RNF150: variants seen among roughly 807,000 people sequenced by gnomAD.
RNF150 encodes the protein ring finger protein 150.
A neutral mutation model predicts 39.3 loss-of-function variants in RNF150; 24 were observed. That is an observed-to-expected ratio of 0.61 (90% CI 0.44 to 0.86). The LOEUF is 0.86. Among genes scored for constraint, RNF150 ranks in the 40% least tolerant of loss-of-function variants. The pLI, the probability that RNF150 is intolerant of heterozygous loss-of-function variation, is 0.00. For missense variants in RNF150, 502 were observed against 587.8 expected, an observed-to-expected ratio of 0.85 and a Z score of 1.51; for synonymous variants, 255 against 227.3, an observed-to-expected ratio of 1.12 and a Z score of -1.10.
chr4:140,962,662 T>C (rs1733087977), intron 2 of RNF150, among the ~76,000 whole-genome samples: 1 of 151,910 alleles, frequency 6.6e-6, no homozygotes, highest in African/African-American at 2.4e-5. Context: ...CATCAAAGAA[T>C]CTATATGATA....
intron 1 of RNF150, among the ~76,000 whole-genome samples, chr4:141,161,212 A>T (rs1727506774): frequency 6.6e-6 from 1 of 152,210 alleles, no homozygotes; most frequent in Admixed American, 6.5e-5. Context: ...AGTAAAGATC[A>T]CTTTTGCTAT....
chr4:141,087,441 C>G (rs1738409127), intron 1 of RNF150, among the ~76,000 whole-genome samples: 1 of 152,096 alleles, frequency 6.6e-6, no homozygotes, highest in Non-Finnish European at 1.5e-5. Flanking sequence ...TCTCCTTTAT[C>G]CTACTCTATG....
intron 1 of RNF150, among the ~76,000 whole-genome samples, chr4:141,161,499 G>A (rs1047442559): frequency 6.6e-6 from 1 of 152,184 alleles, no homozygotes; most frequent in African/African-American, 2.4e-5. Flanking sequence ...TATTATCTGG[G>A]GAGAAATTCA....
intron 1 of RNF150, among the ~76,000 whole-genome samples, chr4:141,194,328 G>A (rs1728162162): frequency 1.3e-5 from 2 of 152,130 alleles, no homozygotes; most frequent in Non-Finnish European, 2.9e-5. Context: ...AAGGACAAAG[G>A]ATTATAAACT....
chr4:141,210,028 C>T (rs927610677), intron 1 of RNF150, among the ~76,000 whole-genome samples: 14 of 145,794 alleles, frequency 9.6e-5, no homozygotes, highest in African/African-American at 2.0e-4. Flanking sequence ...GAAAGTAGAA[C>T]GAAAATGGTC....
intron 1 of RNF150, among the ~76,000 whole-genome samples, chr4:141,051,973 G>T (rs576826616): frequency 6.6e-6 from 1 of 152,338 alleles, no homozygotes; most frequent in East Asian, 1.9e-4. Flanking sequence ...TGGCTGGGGA[G>T]TCCTCACAAT....
chr4:141,076,102 C>T (rs1345985671), intron 1 of RNF150, among the ~76,000 whole-genome samples: 1 of 151,922 alleles, frequency 6.6e-6, no homozygotes, highest in Non-Finnish European at 1.5e-5. Context: ...ACACTGCAAA[C>T]AGGAACAACT....
chr4:140,994,921 A>C (rs1734315313), intron 1 of RNF150, among the ~76,000 whole-genome samples: 1 of 152,218 alleles, frequency 6.6e-6, no homozygotes, highest in Admixed American at 6.5e-5. Flanking sequence ...TACAATGCTT[A>C]ATAATAATCA....
chr4:141,005,315 A>G (rs777500726), intron 1 of RNF150, among the ~76,000 whole-genome samples: 1 of 152,200 alleles, frequency 6.6e-6, no homozygotes, highest in South Asian at 2.1e-4. Flanking sequence ...TGAAGCTATC[A>G]CTTGATGCAT....
chr4:141,139,526 G>A (rs1338461593), intron 1 of RNF150, among the ~76,000 whole-genome samples: 4 of 152,208 alleles, frequency 2.6e-5, no homozygotes, highest in Non-Finnish European at 5.9e-5. Context: ...TTGCAGAGCT[G>A]TTCAAGAAAG....
Position 140,974,421 on chromosome 4 carries a change from A to G in RNF150, c.485-6548T>C, listed in dbSNP as rs550617652. Reference sequence around the variant, plus strand: ...TAATTATTCGCCAATTGATGGACATACGGATTATTGCCAGTTTTTGGATAT... The same window carrying G: ...TAATTATTCGCCAATTGATGGACATGCGGATTATTGCCAGTTTTTGGATAT... On this transcript the variant is annotated intron_variant, in intron 1 of 6. Transcript: ENST00000515673. Among the ~76,000 whole-genome samples the G allele has an allele frequency of 6.4e-4, 98 of 152,322 alleles. No homozygotes were observed. The South Asian group carries it at 7.9e-3, about 12-fold the overall frequency.
chr4:140,956,848 A>C (rs371505353), intron 2 of RNF150, among the ~76,000 whole-genome samples: 572 of 152,030 alleles, frequency 3.8e-3, no homozygotes, highest in Admixed American at 6.8e-3. Context: ...AACTGGCTAG[A>C]CATATGTAGA....
At chr4:140,957,108 G>A (rs1207143076) in intron 2 of RNF150, among the ~76,000 whole-genome samples, 4 of 149,638 alleles carry the variant, frequency 2.7e-5, no homozygotes, top group Admixed American at 2.0e-4. Flanking sequence ...TACCATCAGA[G>A]TGAACAGGCA....
chr4:140,989,534 A>C (rs1050194478), intron 1 of RNF150, among the ~76,000 whole-genome samples: 1 of 152,174 alleles, frequency 6.6e-6, no homozygotes, highest in African/African-American at 2.4e-5. Context: ...AGGTCTTTAA[A>C]ACATTTAGAA....
chr4:141,150,847 A>G (rs1399705459), intron 1 of RNF150, among the ~76,000 whole-genome samples: 1 of 152,208 alleles, frequency 6.6e-6, no homozygotes, highest in African/African-American at 2.4e-5. Flanking sequence ...TACACATTCA[A>G]TGAACAATTC....
chr4:141,190,188 A>G (rs1039848652), intron 1 of RNF150, among the ~76,000 whole-genome samples: 2 of 152,072 alleles, frequency 1.3e-5, no homozygotes, highest in Non-Finnish European at 2.9e-5. Flanking sequence ...TAGATGAACC[A>G]GGTACCTCAG....
intron 1 of RNF150, among the ~76,000 whole-genome samples, chr4:141,035,747 T>C (rs1236786892): frequency 6.6e-6 from 1 of 152,122 alleles, no homozygotes; most frequent in African/African-American, 2.4e-5. Flanking sequence ...AAAAAGAGAA[T>C]AAATATTAAA....
intron 6 of RNF150, among the ~76,000 whole-genome samples, chr4:140,876,770 C>T (rs1729171669): frequency 6.6e-6 from 1 of 152,214 alleles, no homozygotes; most frequent in Admixed American, 6.5e-5. Context: ...TACTAGAGTT[C>T]TATTTGGCTG....
At chr4:140,987,514 GA>G (rs1353238240) in intron 1 of RNF150, among the ~76,000 whole-genome samples, 2 of 152,142 alleles carry the variant, frequency 1.3e-5, no homozygotes, top group Non-Finnish European at 2.9e-5. Context: ...AAGCAATGAG[GA>G]AACAACTCTT....
Sources: gnomAD v4.1 joint callset for allele counts (sites outside exome capture counted in the v4.1 genomes callset) on GRCh38, gnomAD v4.1.1 for gene constraint, MANE v1.5 for transcripts, NCBI Gene and HGNC (gene_info 2026-07-23, HGNC 2026-07-21) for gene names.